The following IFNL3 variants were observed in gnomAD, a reference collection of about 807,000 sequenced individuals.
The protein encoded by IFNL3 is interferon lambda 3.
A neutral mutation model predicts 16.3 loss-of-function variants in IFNL3; 16 were observed. That is an observed-to-expected ratio of 0.98 (90% CI 0.67 to 1.50). The LOEUF is 1.50. Among genes scored for constraint, IFNL3 ranks in the 40% most tolerant of loss-of-function variants. IFNL3 has a pLI of 0.00. For synonymous variants in IFNL3, 115 were observed against 115.3 expected, an observed-to-expected ratio of 1.00 and a Z score of 0.02; for missense variants, 254 against 253.5, an observed-to-expected ratio of 1.00 and a Z score of -0.01.
rs771494831 is a variant in IFNL3 at position 39,244,791 on chromosome 19, G to A, written c.177C>T (p.Ala59=). 2 of 1,611,926 alleles carry A rather than the reference G, an allele frequency of 1.2e-6. No homozygotes were observed. Among genetic ancestry groups the A allele is most frequent in the East Asian group, 4.5e-5 (2 of 44,842 alleles). The stretch of plus-strand genomic sequence containing the variant: ...AGGAGGGCAGGGGGAGACTCACTAA[G>A]GCATCTTTGGCCCTCTTAAAGGCCT... ...ELQAFKRAKD[A]LEESLLLKDC... Residue 59 remains alanine, a synonymous_variant, in exon 1 of 5, where the codon GCC becomes GCT. Coordinates refer to ENST00000413851, the MANE Select transcript of IFNL3 (RefSeq NM_172139.4).
chr19:39,244,125 C>G lies in IFNL3; in HGVS notation c.291G>C (p.Glu97Asp). Residue 97 changes from glutamate to aspartate, a missense_variant, in exon 3 of 5, where the codon GAG becomes GAC. Transcript: ENST00000413851. Reference sequence around the variant, plus strand: ...CCAGAACCTTCAGCGTCAGGGCCAGCTCAGCCTCCAAAGCCACGGGGCGCT... The same window carrying G: ...CCAGAACCTTCAGCGTCAGGGCCAGGTCAGCCTCCAAAGCCACGGGGCGCT... Reference protein sequence around the residue: ...VRERPVALEAELALTLKVLEA... With the variant: ...VRERPVALEADLALTLKVLEA... 4 of 1,614,162 alleles carry G rather than the reference C, an allele frequency of 2.5e-6. No homozygotes were observed. The highest frequency in any genetic ancestry group is 3.4e-6 in the Non-Finnish European group (4 of 1,180,028).
chr19:39,243,983 G>C (rs747255187), intron 3 of IFNL3, 25 bp downstream of exon 3: 1 of 1,612,324 alleles, frequency 6.2e-7, no homozygotes, highest in Non-Finnish European at 8.5e-7. Context: ...TCACAGACCT[G>C]GGTGCCCGGG....
At chr19:39,244,302 A>G in intron 2 of IFNL3, 115 bp downstream of exon 2, 1 of 1,471,702 alleles carries the variant, frequency 6.8e-7, no homozygotes, top group South Asian at 1.3e-5. Context: ...GGGAAGGGGT[A>G]GCAGGTGTGG....
intron 2 of IFNL3, 40 bp downstream of exon 2, chr19:39,244,377 G>T (rs766626073): frequency 5.0e-6 from 8 of 1,601,754 alleles, no homozygotes; most frequent in Non-Finnish European, 6.8e-6. Flanking sequence ...CAGGTGAGCA[G>T]GGCTGGGAGG....
rs1219398306 is a variant in IFNL3 at position 39,243,806 on chromosome 19, T to C, written c.492+18A>G. On this transcript the variant is annotated intron_variant, in intron 4 of 4. Transcript: ENST00000413851. ...GTGGCTCCCCAGACCTCAGTCCCTC[T>C]CTTCCCGGGTCACTCACCTTTTTTG... 2 of 1,613,524 alleles carry C rather than the reference T, an allele frequency of 1.2e-6. No homozygotes were observed. Among genetic ancestry groups the C allele is most frequent in the Non-Finnish European group, 1.7e-6 (2 of 1,179,820 alleles).
chr19:39,243,685 G>C lies in IFNL3; in HGVS notation c.538C>G (p.Arg180Gly). The change falls in exon 5 of 5, where the codon CGC becomes GGC. Residue 180 changes from arginine to glycine, a missense_variant. Arg to Gly is a moderately radical substitution (Grantham distance 125, BLOSUM62 -2). Coordinates refer to ENST00000413851, the MANE Select transcript of IFNL3 (RefSeq NM_172139.4). ...LEASVTFNLF[R>G]LLTRDLNCVA... is the part of the protein sequence containing the mutation. ...CAATTCAGGTCTCGCGTGAGGAGGCGGAAGAGGTTGAAGGTGACAGAGGCC... is the reference window on the plus strand; with the variant it reads ...CAATTCAGGTCTCGCGTGAGGAGGCCGAAGAGGTTGAAGGTGACAGAGGCC... 1 of 1,608,500 alleles carries C rather than the reference G, an allele frequency of 6.2e-7. No homozygotes were observed. Among genetic ancestry groups the C allele is most frequent in the Non-Finnish European group, 8.5e-7 (1 of 1,177,560 alleles).
chr19:39,244,850 C>G lies in IFNL3; in HGVS notation c.118G>C (p.Ala40Pro), dbSNP rs201412210. ...ALPDARGCHI[A>P]QFKSLSPQEL... ...TGTGGAGACAGGGACTTGAACTGGG[C>G]TATGTGGCAGCCCCTTGCATCCGGG... Residue 40 changes from alanine to proline, a missense_variant, in exon 1 of 5, where the codon GCC becomes CCC. Transcript: ENST00000413851. 3.1e-6 allele frequency: 5 copies of G among 1,613,818 alleles called. No homozygotes were observed. Among genetic ancestry groups the G allele is most frequent in the Middle Eastern group, 1.6e-4 (1 of 6,070 alleles).
rs753624869 is a variant in IFNL3 at position 39,244,871 on chromosome 19, C to G, written c.97G>C (p.Asp33His). The change falls in exon 1 of 5, where the codon GAT (aspartate) becomes CAT (histidine). Residue 33 changes from aspartate to histidine, a missense_variant. Asp to His is a moderately conservative substitution (Grantham distance 81). Transcript: ENST00000413851. ...PVARLRGALPDARGCHIAQFK... is the reference protein window; with the variant it reads ...PVARLRGALPHARGCHIAQFK... ...TGGGCTATGTGGCAGCCCCTTGCAT[C>G]CGGGAGAGCCCCGCGGAGCCTGGCG... is the stretch of plus-strand genomic sequence containing the variant. The G allele has an allele frequency of 4.3e-6, 7 of 1,613,852 alleles. No homozygotes were observed. The Admixed American group carries it at 1.2e-4, about 27-fold the overall frequency.
rs1309911695 is a variant in IFNL3, at chr19:39,243,770, C to G, written c.493-40G>C. On this transcript the variant is annotated intron_variant, in intron 4 of 4. Coordinates refer to ENST00000413851, the MANE Select transcript of IFNL3 (RefSeq NM_172139.4). The stretch of plus-strand genomic sequence containing the variant: ...GGATGGGTCAGGGGCTGTCTGGGTT[C>G]TGGGCTCCCAGTGGCTCCCCAGACC... 7.4e-6 allele frequency: 12 copies of G among 1,612,998 alleles called. No individual in the cohort carries two copies. In the African/African-American group the frequency reaches 8.0e-5, roughly 11 times the overall value.
At position 39,244,801 on chromosome 19, in the gene IFNL3, G is replaced by C. The variant is rs1338755081; in HGVS notation, c.167C>G (p.Ala56Gly). ...SPQELQAFKR[A>G]KDALEESLLL... is the part of the protein sequence containing the mutation. Reference sequence around the variant, plus strand: ...GGGGAGACTCACTAAGGCATCTTTGGCCCTCTTAAAGGCCTGCAGCTCCTG... The same window carrying C: ...GGGGAGACTCACTAAGGCATCTTTGCCCCTCTTAAAGGCCTGCAGCTCCTG... The change falls in exon 1 of 5, where the codon GCC becomes GGC. Residue 56 changes from alanine (A) to glycine (G), a missense_variant. Coordinates refer to ENST00000413851, the MANE Select transcript of IFNL3 (RefSeq NM_172139.4). 4 of 1,612,946 alleles carry C rather than the reference G, an allele frequency of 2.5e-6. No individual in the cohort carries two copies. In the Admixed American group the frequency reaches 6.7e-5, roughly 27 times the overall value.
Position 39,243,914 on chromosome 19 carries a change from G to C in IFNL3, c.409-7C>G. ...CCGTGGGCTGAGGCTGGATCTGTGG[G>C]CAGAGGAGGGCGGTGTGTGAGCCGG... On this transcript the variant is annotated splice_polypyrimidine_tract_variant and splice_region_variant and intron_variant, in intron 3 of 4. Transcript: ENST00000413851. 1 of 1,612,736 alleles carries C rather than the reference G, an allele frequency of 6.2e-7. No homozygotes were observed.
chr19:39,244,916 C>G lies in IFNL3; in HGVS notation c.52G>C (p.Val18Leu). 1 of 1,613,984 alleles carries G rather than the reference C, an allele frequency of 6.2e-7. No individual in the cohort carries two copies. Among genetic ancestry groups the G allele is most frequent in the Non-Finnish European group, 8.5e-7 (1 of 1,179,872 alleles). The change falls in exon 1 of 5, where the codon GTG becomes CTG. Residue 18 changes from valine (V) to leucine (L), a missense_variant. Transcript: ENST00000413851. ...CTGGCGACAGGAACTGCTCCAGTCA[C>G]GGTCAGCACTGCGGCCATCAGCACC... ...VLVLMAAVLT[V>L]TGAVPVARLR... is the part of the protein sequence containing the mutation.
intron 2 of IFNL3, 39 bp downstream of exon 2, chr19:39,244,378 G>A (rs1319025237): frequency 1.2e-6 from 2 of 1,602,566 alleles, no homozygotes; most frequent in South Asian, 1.1e-5. Context: ...AGGTGAGCAG[G>A]GCTGGGAGGG....
Position 39,244,075 on chromosome 19 carries a change from G to T in IFNL3, c.341C>A (p.Ala114Asp), listed in dbSNP as rs763380575. Residue 114 changes from alanine (A) to aspartate (D), a missense_variant, in exon 3 of 5, where the codon GCC becomes GAC. Coordinates refer to ENST00000413851, the MANE Select transcript of IFNL3 (RefSeq NM_172139.4). ...GGGCTGGTCCAAGACATCCCCCAGG[G>T]CTGGGTCAGTGTCAGCGGTGGCCTC... The part of the protein sequence containing the change: ...VLEATADTDP[A>D]LGDVLDQPLH... The T allele has an allele frequency of 6.2e-7, 1 of 1,614,236 alleles. No individual in the cohort carries two copies. Among genetic ancestry groups the T allele is most frequent in the Non-Finnish European group, 8.5e-7 (1 of 1,180,046 alleles).
chr19:39,244,351 G>A, intron 2 of IFNL3, 66 bp downstream of exon 2: 6 of 1,553,726 alleles, frequency 3.9e-6, no homozygotes, highest in Non-Finnish European at 5.3e-6. Flanking sequence ...AGAAGGTGAA[G>A]GGGCCACTAC....
rs552030798 is a variant in IFNL3 at position 39,244,290 on chromosome 19, G to C, written c.258+127C>G. 3.4e-6 allele frequency: 5 copies of C among 1,481,824 alleles called. No homozygotes were observed. In the African/African-American group the frequency reaches 5.5e-5, roughly 16 times the overall value. 91.8% of individuals were successfully genotyped at this position (1,481,824 alleles called of 1,614,324 possible). A position where few individuals can be genotyped will look rare whatever the true frequency, so the allele number is the denominator to read the frequency against. ...CAGCCAGTGTGGTCAGGTAGGAGCA[G>C]AGGGAAGGGGTAGCAGGTGTGGGGA... On this transcript the variant is annotated intron_variant, in intron 2 of 4. Coordinates refer to ENST00000413851, the MANE Select transcript of IFNL3 (RefSeq NM_172139.4).
rs2074934544 is a variant in IFNL3 at position 39,244,551 on chromosome 19, T to G, written c.181-57A>C. On this transcript the variant is annotated intron_variant, in intron 1 of 4. Transcript: ENST00000413851. Reference sequence around the variant, plus strand: ...AGGAGGGGTGGAGGTTAGACCACTCTGATGGGATTGGAGGATGGCTGACAA... The same window carrying G: ...AGGAGGGGTGGAGGTTAGACCACTCGGATGGGATTGGAGGATGGCTGACAA... The G allele has an allele frequency of 1.9e-6, 3 of 1,540,100 alleles. No homozygotes were observed. The Admixed American group carries it at 5.5e-5, about 28-fold the overall frequency.
rs200763837 is a variant in IFNL3 at position 39,244,531 on chromosome 19, G to C, written c.181-37C>G. The C allele has an allele frequency of 4.7e-5, 75 of 1,584,906 alleles. No individual in the cohort carries two copies. The African/African-American group carries it at 8.3e-4, about 17-fold the overall frequency. ...AGGCACAGGTTAGCCCCAGCAGGAG[G>C]GGTGGAGGTTAGACCACTCTGATGG... On this transcript the variant is annotated intron_variant, in intron 1 of 4. Transcript: ENST00000413851.
upstream of IFNL3, chr19:39,245,238 G>C (rs1303517888): frequency 1.4e-5 from 9 of 657,846 alleles, no homozygotes; most frequent in Non-Finnish European, 2.1e-5. Flanking sequence ...GCTCTGTCTG[G>C]GATGTAATTC....
Sources: gnomAD v4.1 joint callset for allele counts on GRCh38, gnomAD v4.1.1 for gene constraint, MANE v1.5 for transcripts, NCBI Gene and HGNC (gene_info 2026-07-23, HGNC 2026-07-21) for gene names.